The following MAST1 variants were observed in gnomAD, a reference collection of about 807,000 sequenced individuals.
MAST1 encodes microtubule associated serine/threonine kinase 1.
In MAST1, 40 loss-of-function variants were observed where a neutral mutation model predicts 124.6. The ratio of observed to expected loss-of-function variants is 0.32; its 90% CI spans 0.25 to 0.42. MAST1 has a LOEUF of 0.42. Among genes scored for constraint, MAST1 ranks in the 10% least tolerant of loss-of-function variants. The pLI, the probability that MAST1 is intolerant of heterozygous loss-of-function variation, is 1.00. For synonymous variants in MAST1, 938 were observed against 939.4 expected (o/e 1.00, Z 0.03); for missense variants, 1,558 against 2,181.9 (o/e 0.71, Z 5.70).
Position 12,869,187 on chromosome 19 carries a change from C to T in MAST1, c.2895C>T (p.Arg965=). 2 of 1,614,218 alleles carry T rather than the reference C, an allele frequency of 1.2e-6. No individual in the cohort carries two copies. Among genetic ancestry groups the T allele is most frequent in the East Asian group, 2.2e-5 (1 of 44,880 alleles). Residue 965 remains arginine (R), a synonymous_variant, in exon 22 of 26, where the codon CGC becomes CGT. Coordinates refer to ENST00000251472, the MANE Select transcript of MAST1 (RefSeq NM_014975.3). Reference sequence around the variant, plus strand: ...ACTCACCAGCTGTCAGTGGGCTCCGCTCCCCCATCACCATCCAGCGCTCGG... The same window carrying T: ...ACTCACCAGCTGTCAGTGGGCTCCGTTCCCCCATCACCATCCAGCGCTCGG... ...RDYSPAVSGL[R]SPITIQRSGK... is the part of the protein sequence containing the mutation.
chr19:12,858,284 C>T, intron 10 of MAST1, 78 bp from the exon 11 acceptor site: 1 of 1,273,728 alleles, frequency 7.9e-7, no homozygotes, highest in Non-Finnish European at 1.1e-6. Flanking sequence ...CCTCAGTTTC[C>T]CCATGTGTAA....
intron 10 of MAST1, among the ~76,000 whole-genome samples, chr19:12,855,565 CT>C (rs1207162302): frequency 1.3e-5 from 2 of 152,198 alleles, no homozygotes; most frequent in African/African-American, 4.8e-5. Context: ...CATCCATGGC[CT>C]CCACCCTGGT....
intron 10 of MAST1, among the ~76,000 whole-genome samples, chr19:12,854,488 C>G (rs140387996): frequency 8.2e-4 from 125 of 152,286 alleles, no homozygotes; most frequent in African/African-American, 2.6e-3. Context: ...GCTTATTTCA[C>G]TTAACATAAC....
In MAST1 at chr19:12,867,662, G is replaced by A. The variant is rs758975665; in HGVS notation, c.2318+10G>A. On this transcript the variant is annotated intron_variant, in intron 19 of 25. Coordinates refer to ENST00000251472, the MANE Select transcript of MAST1 (RefSeq NM_014975.3). Reference sequence around the variant, plus strand: ...GGGGCTCTCCGGAGATGTGAGCAGGGGAATGGCGGAGTTTGGGGGCGGGGT... The same window carrying A: ...GGGGCTCTCCGGAGATGTGAGCAGGAGAATGGCGGAGTTTGGGGGCGGGGT... The A allele has an allele frequency of 1.5e-5, 24 of 1,568,454 alleles. No homozygotes were observed. The East Asian group carries it at 2.1e-4, about 14-fold the overall frequency.
Position 12,858,424 on chromosome 19 carries a change from A to G in MAST1, c.1140A>G (p.Ile380Met). ...ATGACTTCGATACCATCAAGCTCAT[A>G]AGCAACGGTGCCTACGGGTGAGCCA... ...GENDFDTIKL[I>M]SNGAYGAVYL... The change falls in exon 11 of 26, where the codon ATA becomes ATG. Residue 380 changes from isoleucine to methionine, a missense_variant. Physicochemically the swap from Ile to Met is conservative, Grantham distance 10 (BLOSUM62 1). Around this residue, in one of 10 missense-constraint regions of MAST1, gnomAD observed 136 missense variants for 160.9 expected, o/e 0.85. Transcript: ENST00000251472. The G allele has an allele frequency of 6.2e-7, 1 of 1,614,026 alleles. No individual in the cohort carries two copies. Among genetic ancestry groups the G allele is most frequent in the Non-Finnish European group, 8.5e-7 (1 of 1,179,960 alleles).
Position 12,873,444 on chromosome 19 carries a change from T to C in MAST1, c.3384T>C (p.Pro1128=), listed in dbSNP as rs769746206. ...LSSSDSLPGS[P]THGLPARSPT... is the part of the protein sequence containing the mutation. ...CCAGCGATAGTCTCCCGGGCTCGCC[T>C]ACGCACGGGCTGCCGGCGCGCTCGC... The change falls in exon 25 of 26, where the codon CCT becomes CCC. Residue 1128 remains proline, a synonymous_variant. Transcript: ENST00000251472. The C allele has an allele frequency of 1.9e-6, 3 of 1,612,448 alleles. No individual in the cohort carries two copies. The South Asian group carries it at 3.3e-5, about 18-fold the overall frequency.
Position 12,851,922 on chromosome 19 carries a change from C to T in MAST1, c.775-12C>T. 6.2e-7 allele frequency: 1 copy of T among 1,608,612 alleles called. No homozygotes were observed. The highest frequency in any genetic ancestry group is 8.5e-7 in the Non-Finnish European group (1 of 1,176,470). Reference sequence around the variant, plus strand: ...GCCTATGAGCCCTGTCCCTCTGTGTCCCCTGCCACAGGCCTATGAACGCTC... The same window carrying T: ...GCCTATGAGCCCTGTCCCTCTGTGTTCCCTGCCACAGGCCTATGAACGCTC... On this transcript the variant is annotated splice_polypyrimidine_tract_variant and intron_variant, in intron 7 of 25. Transcript: ENST00000251472.
In MAST1 at chr19:12,867,569, C is replaced by T. The variant is rs761662876; in HGVS notation, c.2235C>T (p.Pro745=). ...AGCGGGAGCCGAGCACCAAGGGCCC[C>T]GAGGAGAAGGTGGCCGGCAAGCGGG... The part of the protein sequence containing the change: ...SSKREPSTKG[P]EEKVAGKREG... The change falls in exon 19 of 26, where the codon CCC becomes CCT. Residue 745 remains proline (P), a synonymous_variant. Transcript: ENST00000251472. 5.0e-6 allele frequency: 8 copies of T among 1,613,358 alleles called. No individual in the cohort carries two copies. Among genetic ancestry groups the T allele is most frequent in the Admixed American group, 3.3e-5 (2 of 59,962 alleles).
chr19:12,856,578 TG>T (rs771296371), intron 10 of MAST1, among the ~76,000 whole-genome samples: 20 of 152,234 alleles, frequency 1.3e-4, no homozygotes, highest in Non-Finnish European at 2.5e-4. Context: ...GTGCTGGGAT[TG>T]CAGGTGTGAG....
intron 24 of MAST1, 63 bp from the exon 25 acceptor site, chr19:12,873,261 T>C (rs1970260951): frequency 1.3e-6 from 2 of 1,532,472 alleles, no homozygotes; most frequent in East Asian, 4.6e-5. Flanking sequence ...GGCCGTGAAA[T>C]GGGAGGAGCC....
Position 12,847,276 on chromosome 19 carries a change from G to T in MAST1, c.328-14G>T. On this transcript the variant is annotated splice_polypyrimidine_tract_variant and intron_variant, in intron 4 of 25. Coordinates refer to ENST00000251472, the MANE Select transcript of MAST1 (RefSeq NM_014975.3). The surrounding 1 kb of genome is among the most constrained non-coding windows in gnomAD (Gnocchi z 5.5). ...CCATGGTGGCTCTGACCCCGGCCCTGCCCCTGTCCCCAGTCCTCCTGCTCC... is the reference window on the plus strand; with the variant it reads ...CCATGGTGGCTCTGACCCCGGCCCTTCCCCTGTCCCCAGTCCTCCTGCTCC... The T allele has an allele frequency of 1.2e-6, 2 of 1,600,304 alleles. No homozygotes were observed.
At chr19:12,858,940 A>G in intron 12 of MAST1, 2 of 617,476 alleles carry the variant, frequency 3.2e-6, no homozygotes, top group Non-Finnish European at 2.8e-6. Context: ...TTTGTTTTTC[A>G]TTTCATTCAG....
intron 22 of MAST1, 56 bp downstream of exon 22, chr19:12,869,351 C>T: frequency 1.4e-6 from 2 of 1,456,370 alleles, no homozygotes; most frequent in Non-Finnish European, 1.9e-6. Flanking sequence ...GGGGAAAAGG[C>T]CCCTCCAGCT....
chr19:12,867,454 C>T lies in MAST1; in HGVS notation c.2140-20C>T. ...GAAAGTGGAACCCGGGCTGGACTTGCCTCCCACCACCACCTACAGGTGTAT... is the reference window on the plus strand; with the variant it reads ...GAAAGTGGAACCCGGGCTGGACTTGTCTCCCACCACCACCTACAGGTGTAT... On this transcript the variant is annotated intron_variant, in intron 18 of 25. Transcript: ENST00000251472. The T allele has an allele frequency of 6.2e-7, 1 of 1,611,900 alleles. No individual in the cohort carries two copies. The highest frequency in any genetic ancestry group is 8.5e-7 in the Non-Finnish European group (1 of 1,179,674).
intron 10 of MAST1, among the ~76,000 whole-genome samples, chr19:12,855,290 T>G (rs946811565): frequency 2.6e-5 from 4 of 152,132 alleles, no homozygotes; most frequent in Non-Finnish European, 5.9e-5. Flanking sequence ...GAAAGATTTT[T>G]GCTTCAAAAT....
At chr19:12,859,882 G>GTT (rs981985772) in intron 12 of MAST1, among the ~76,000 whole-genome samples, 13 of 127,884 alleles carry the variant, frequency 1.0e-4, no homozygotes, top group African/African-American at 3.8e-4. Flanking sequence ...CGTTTGTTTT[G>GTT]TTTTTTATGC....
Position 12,870,816 on chromosome 19 carries a change from T to C in MAST1, c.3004-8T>C. The C allele has an allele frequency of 6.3e-7, 1 of 1,598,118 alleles. No homozygotes were observed. The highest frequency in any genetic ancestry group is 8.5e-7 in the Non-Finnish European group (1 of 1,171,124). ...TAACCCTGTCCCTATGGGGTGCTCT[T>C]TTCCCAGCATGTGGAGGAAGGAGGC... On this transcript the variant is annotated splice_region_variant and splice_polypyrimidine_tract_variant and intron_variant, in intron 22 of 25. Coordinates refer to ENST00000251472, the MANE Select transcript of MAST1 (RefSeq NM_014975.3).
In MAST1 at chr19:12,853,163, ATT is replaced by A. The variant is rs547526919; in HGVS notation, c.1077+770_1077+771del. On this transcript the variant is annotated intron_variant, in intron 10 of 25. Transcript: ENST00000251472. ...TTTTGTATTTTTAGTAGAGACTAAA[ATT>A]TCTCCATGTTGGTCAGGCTGGTTGC... Among the ~76,000 whole-genome samples, 574 of 151,436 alleles carry A rather than the reference ATT, an allele frequency of 3.8e-3. 4 individuals carry two copies. Among genetic ancestry groups the A allele is most frequent in the Middle Eastern group, 6.8e-3 (2 of 294 alleles).
chr19:12,863,180 AAG>A (rs1599587407), intron 12 of MAST1, among the ~76,000 whole-genome samples: 2 of 150,796 alleles, frequency 1.3e-5, no homozygotes, highest in South Asian at 2.1e-4. Context: ...AAAAAAAAAA[AAG>A]AGAAAAAGAA....
Sources: allele counts gnomAD v4.1 joint callset (sites outside exome capture counted in the v4.1 genomes callset), GRCh38; gene constraint gnomAD v4.1.1; regional missense constraint gnomAD v4.1.1; non-coding constraint Gnocchi (gnomAD v3.1); transcripts MANE v1.5; gene names NCBI Gene and HGNC (gene_info 2026-07-23, HGNC 2026-07-21).